Variants in SUFU observed in about 807,000 individuals in gnomAD.
SUFU encodes suppressor of fused homolog.
A neutral mutation model predicts 58.9 loss-of-function variants in SUFU; 7 were observed. The observed-to-expected ratio is 0.12, with a 90% CI of 0.07 to 0.22. The LOEUF (loss-of-function observed/expected upper bound fraction) is 0.22, where lower values mean the gene tolerates loss of function less well. SUFU is among the 10% of genes least tolerant of loss of function. The pLI, the probability that SUFU is intolerant of heterozygous loss-of-function variation, is 1.00. For synonymous variants in SUFU, 232 were observed against 254.8 expected (o/e 0.91, Z 0.85); for missense variants, 451 against 641.3 (o/e 0.70, Z 3.20).
chr10:102,555,950 T>G (rs1166797523), intron 3 of SUFU, among the ~76,000 whole-genome samples: 3 of 152,262 alleles, frequency 2.0e-5, no homozygotes, highest in Admixed American at 1.3e-4. Context: ...CTTGCCTCAC[T>G]TGTGCTGTCC....
rs748377573 is a variant in SUFU, at chr10:102,504,288, C to T, written c.136C>T (p.Pro46Ser). Residue 46 changes from proline (P) to serine (S), a missense_variant, in exon 1 of 12, where the codon CCT (proline) becomes TCT (serine). By Grantham distance (74) the Pro-to-Ser change is moderately conservative. Transcript: ENST00000369902. ...AIYGECRRLY[P>S]DQPNPLQVTA... ...CTACGGAGAGTGCCGCCGCCTTTAC[C>T]CTGACCAGCCGAACCCGCTCCAGGT... is the stretch of plus-strand genomic sequence containing the variant. 2.5e-6 allele frequency: 4 copies of T among 1,614,118 alleles called. No homozygotes were observed. The highest frequency in any genetic ancestry group is 3.4e-6 in the Non-Finnish European group (4 of 1,180,028).
chr10:102,523,328 G>C (rs1031727532), intron 2 of SUFU, among the ~76,000 whole-genome samples: 5 of 152,148 alleles, frequency 3.3e-5, no homozygotes, highest in Non-Finnish European at 5.9e-5. Context: ...GCCTCTTGGA[G>C]CCCTGCCTCC....
At chr10:102,591,616 G>A (rs2063402590) in intron 3 of SUFU, 1 of 151,720 alleles carries the variant, frequency 6.6e-6, no homozygotes, top group Admixed American at 6.6e-5. Flanking sequence ...AATTCGTGAA[G>A]TGTTCCATAT....
intron 3 of SUFU, among the ~76,000 whole-genome samples, chr10:102,586,906 C>G (rs185313348): frequency 6.6e-6 from 1 of 152,302 alleles, no homozygotes; most frequent in East Asian, 1.9e-4. Flanking sequence ...TATTTTCTGT[C>G]TCTATAAATT....
chr10:102,589,685 G>A (rs1272816004), intron 3 of SUFU, among the ~76,000 whole-genome samples: 2 of 151,400 alleles, frequency 1.3e-5, no homozygotes, highest in Non-Finnish European at 3.0e-5. Context: ...ACCTCAGGTG[G>A]TCCACCTGCC....
At chr10:102,610,048 G>A (rs192523674) in intron 8 of SUFU, among the ~76,000 whole-genome samples, 22 of 152,098 alleles carry the variant, frequency 1.4e-4, no homozygotes, top group East Asian at 3.9e-4. Flanking sequence ...TCCAAAGACC[G>A]CTAAGTGGAC....
chr10:102,509,144 C>A, intron 1 of SUFU, 25 bp from the exon 2 acceptor site: 1 of 1,613,588 alleles, frequency 6.2e-7, no homozygotes, highest in Non-Finnish European at 8.5e-7. Context: ...CTTACACTAA[C>A]ACCCCTGTGT....
intron 2 of SUFU, among the ~76,000 whole-genome samples, chr10:102,516,385 G>A (rs1015032047): frequency 6.6e-6 from 1 of 151,942 alleles, no homozygotes; most frequent in African/African-American, 2.4e-5. Context: ...CTGTATTGTG[G>A]GGGTTCCCAG....
rs2062894642 is a variant in SUFU, at chr10:102,549,947, CACTT to C, written c.318-22_318-19del. ...TTTCCTAAGGTAATTGAGCTTAAAA[CACTT>C]GCTTTTTATGTCTTTCAGGTTTACA... On this transcript the variant is annotated intron_variant, in intron 2 of 11. Transcript: ENST00000369902. 3 of 1,614,116 alleles carry C rather than the reference CACTT, an allele frequency of 1.9e-6. No individual in the cohort carries two copies. Among genetic ancestry groups the C allele is most frequent in the Non-Finnish European group, 2.5e-6 (3 of 1,179,984 alleles).
rs1359374388 is a variant in SUFU at position 102,615,230 on chromosome 10, CA to C, written c.1023-37del. On this transcript the variant is annotated intron_variant, in intron 8 of 11. Transcript: ENST00000369902. ...CCATCTTGCTCCTCCCTGAGCTTTT[CA>C]CCTTGTGCCGAACCTTTTCCTGTGC... The C allele has an allele frequency of 1.9e-6, 3 of 1,613,840 alleles. No homozygotes were observed. In the Admixed American group the frequency reaches 5.0e-5, roughly 27 times the overall value.
At chr10:102,514,114 T>G (rs1348134724) in intron 2 of SUFU, among the ~76,000 whole-genome samples, 1 of 152,014 alleles carries the variant, frequency 6.6e-6, no homozygotes, top group African/African-American at 2.4e-5. Flanking sequence ...CTCGAACTAC[T>G]GGACTCAAGC....
chr10:102,550,275 A>G (rs1378822928), intron 3 of SUFU, among the ~76,000 whole-genome samples, 169 bp downstream of exon 3: 1 of 151,966 alleles, frequency 6.6e-6, no homozygotes, highest in East Asian at 1.9e-4. Context: ...CTGGTTGGAA[A>G]ACCAACTGGG....
chr10:102,510,342 T>C (rs1242480354), intron 2 of SUFU, among the ~76,000 whole-genome samples: 1 of 151,908 alleles, frequency 6.6e-6, no homozygotes, highest in African/African-American at 2.4e-5. Context: ...CCTGAGTACC[T>C]GGGACTATAG....
chr10:102,607,260 G>A (rs2063570500), intron 8 of SUFU, among the ~76,000 whole-genome samples: 1 of 151,996 alleles, frequency 6.6e-6, no homozygotes, highest in Non-Finnish European at 1.5e-5. Flanking sequence ...GCGTTGCCCA[G>A]GCTGGCCTTG....
In SUFU at chr10:102,627,166, C is replaced by A. The variant is rs2063793417; in HGVS notation, c.1297-9C>A. ...AATAATAATAAAAGCCTGCCTTGTG[C>A]CTTCACAGATTCTGTTGACCGAAGA... On this transcript the variant is annotated splice_polypyrimidine_tract_variant and intron_variant, in intron 10 of 11. Coordinates refer to ENST00000369902, the MANE Select transcript of SUFU (RefSeq NM_016169.4). The A allele has an allele frequency of 6.2e-7, 1 of 1,613,954 alleles. No individual in the cohort carries two copies. The highest frequency in any genetic ancestry group is 8.5e-7 in the Non-Finnish European group (1 of 1,179,944).
At chr10:102,531,834 G>A (rs994885131) in intron 2 of SUFU, among the ~76,000 whole-genome samples, 1 of 152,182 alleles carries the variant, frequency 6.6e-6, no homozygotes, top group East Asian at 1.9e-4. Context: ...AGAAAGTTGT[G>A]TTGAGTGTTC....
intron 2 of SUFU, among the ~76,000 whole-genome samples, chr10:102,534,115 G>A (rs997881699): frequency 2.0e-4 from 31 of 152,174 alleles, no homozygotes; most frequent in African/African-American, 6.3e-4. Context: ...GAGGAGGGGC[G>A]GAGACTGAGT....
chr10:102,575,527 C>A (rs2063204710), intron 3 of SUFU, among the ~76,000 whole-genome samples: 1 of 152,090 alleles, frequency 6.6e-6, no homozygotes, highest in Non-Finnish European at 1.5e-5. Flanking sequence ...CAGTTTCTAC[C>A]CCCATTGTCC....
rs2063720137 is a variant in SUFU at position 102,619,332 on chromosome 10, G to GCCCAGCACCCGCTGGCTC, written c.1296+1913_1296+1930dup. On this transcript the variant is annotated intron_variant, in intron 10 of 11. Transcript: ENST00000369902. The surrounding 1 kb of genome is among the most constrained non-coding windows in gnomAD (Gnocchi z 4.2). ...CTGGCAGCCCCTCAGCGAGCCTGAG[G>GCCCAGCACCCGCTGGCTC]CCCAGCACCCGCTGGCTCCCCAGCA... 11 of 1,427,910 alleles carry GCCCAGCACCCGCTGGCTC rather than the reference G, an allele frequency of 7.7e-6. No homozygotes were observed. The Admixed American group carries it at 8.4e-5, about 11-fold the overall frequency. 88.5% of individuals were successfully genotyped at this position (1,427,910 alleles called of 1,614,324 possible).
Sources: gnomAD v4.1 joint callset for allele counts (sites outside exome capture counted in the v4.1 genomes callset) on GRCh38, gnomAD v4.1.1 for gene constraint, Gnocchi (gnomAD v3.1) non-coding constraint, MANE v1.5 for transcripts, NCBI Gene and HGNC (gene_info 2026-07-23, HGNC 2026-07-21) for gene names.